Variants in ADGRD1 observed in about 807,000 individuals in gnomAD.
ADGRD1 encodes G-protein coupled receptor 133.
A neutral mutation model predicts 113.4 loss-of-function variants in ADGRD1; 77 were observed. That is an observed-to-expected ratio of 0.68 (90% CI 0.57 to 0.82). The LOEUF is 0.82. ADGRD1 is among the 40% of genes least tolerant of loss of function. The probability of loss-of-function intolerance (pLI) is 0.00; values close to 1 mark genes in which losing one functional copy is unlikely to be tolerated. For synonymous variants in ADGRD1, 474 were observed against 475.0 expected, an observed-to-expected ratio of 1.00 and a Z score of 0.03; for missense variants, 1,036 against 1,139.1, an observed-to-expected ratio of 0.91 and a Z score of 1.30.
intron 13 of ADGRD1, chr12:131,070,711 C>G: frequency 2.2e-6 from 1 of 454,662 alleles, no homozygotes; most frequent in Non-Finnish European, 4.5e-6. Flanking sequence ...GTGTCCATCA[C>G]TGCAAGGCTC....
At chr12:131,108,676 G>A (rs1367772097) in intron 17 of ADGRD1, 48 bp from the exon 18 acceptor site, 2 of 1,613,368 alleles carry the variant, frequency 1.2e-6, no homozygotes, top group African/African-American at 1.3e-5. Context: ...GCCACGCCCA[G>A]GGCCCACCCC....
chr12:131,084,750 T>C lies in ADGRD1; in HGVS notation c.1671+87T>C, dbSNP rs1886335010. The C allele has an allele frequency of 9.8e-6, 14 of 1,421,448 alleles. No individual in the cohort carries two copies. The highest frequency in any genetic ancestry group is 1.2e-5 in the South Asian group (1 of 83,626). The allele number at this position is 1,421,448 out of a possible 1,614,324, so 88.1% of individuals were successfully genotyped here. On this transcript the variant is annotated intron_variant, in intron 15 of 24. Coordinates refer to ENST00000261654, the MANE Select transcript of ADGRD1 (RefSeq NM_198827.5). The surrounding 1 kb of genome is among the most constrained non-coding windows in gnomAD (Gnocchi z 4.5). ...GGCGGGAGGATGCTTTGCCCGCCAG[T>C]GCCCACGGGCCCTGGGCACATTACT...
intron 12 of ADGRD1, among the ~76,000 whole-genome samples, chr12:131,007,082 T>C (rs1199577485): frequency 6.6e-6 from 1 of 152,228 alleles, no homozygotes; most frequent in South Asian, 2.1e-4. Context: ...CTGTGTCTTG[T>C]GCGGCCACAG....
chr12:130,962,887 T>C (rs1870524973), intron 2 of ADGRD1: 1 of 152,192 alleles, frequency 6.6e-6, no homozygotes, highest in African/African-American at 2.4e-5. Context: ...GTGTGGATGT[T>C]GGGCGCCCTG....
At position 131,123,061 on chromosome 12, in the gene ADGRD1, T is replaced by G. The variant is rs867202189; in HGVS notation, c.2175+2148T>G. On this transcript the variant is annotated intron_variant, in intron 20 of 24. Coordinates refer to ENST00000261654, the MANE Select transcript of ADGRD1 (RefSeq NM_198827.5). The stretch of plus-strand genomic sequence containing the variant: ...GGAGTTTTTTTTTTTTTTTTTTTTT[T>G]TTTTTTTTTTTTGCGACAGAGTCTT... 7.8e-3 allele frequency among the ~76,000 whole-genome samples: 1,055 copies of G among 134,704 alleles called. 13 individuals carry two copies. The highest frequency in any genetic ancestry group is 0.014 in the African/African-American group (505 of 35,752). The allele number at this position is 134,704 out of a possible 152,430, so 88.4% of individuals were successfully genotyped here. A position where few individuals can be genotyped will look rare whatever the true frequency, so the allele number is the denominator to read the frequency against.
At chr12:130,996,733 G>A (rs1372601418) in intron 8 of ADGRD1, among the ~76,000 whole-genome samples, 1 of 95,642 alleles carries the variant, frequency 1.0e-5, no homozygotes, top group African/African-American at 4.0e-5. Flanking sequence ...CCTCCCGGAC[G>A]GGGTGGCTGG....
At chr12:131,110,948 C>T (rs772129076) in intron 18 of ADGRD1, among the ~76,000 whole-genome samples, 1 of 152,148 alleles carries the variant, frequency 6.6e-6, no homozygotes, top group African/African-American at 2.4e-5. Flanking sequence ...CCTTCTGGCT[C>T]GATTGTTTCT....
At chr12:131,120,309 G>C (rs1006512974) in intron 19 of ADGRD1, among the ~76,000 whole-genome samples, 1 of 152,004 alleles carries the variant, frequency 6.6e-6, no homozygotes, top group Non-Finnish European at 1.5e-5. Flanking sequence ...TTTTTTGCCC[G>C]AGTTCTTGGG....
Position 131,003,223 on chromosome 12 carries a change from C to A in ADGRD1, c.1065C>A (p.Asp355Glu). ...TACTGAGTCTCATCGACACTATTGA[C>A]ACCGTCATGGGCCATGTATCCTCCA... ...AVVLSLIDTI[D>E]TVMGHVSSNL... Residue 355 changes from aspartate to glutamate, a missense_variant, in exon 10 of 25, where the codon GAC (aspartate) becomes GAA (glutamate). Asp to Glu is a conservative substitution (Grantham distance 45). Coordinates refer to ENST00000261654, the MANE Select transcript of ADGRD1 (RefSeq NM_198827.5). This position sits in a 1 kb window ranked among gnomAD's most constrained non-coding sequence, Gnocchi z 4.8. 1 of 1,614,112 alleles carries A rather than the reference C, an allele frequency of 6.2e-7. No homozygotes were observed. The highest frequency in any genetic ancestry group is 8.5e-7 in the Non-Finnish European group (1 of 1,180,004).
chr12:130,996,965 C>G (rs1344894737), intron 8 of ADGRD1, among the ~76,000 whole-genome samples: 1 of 132,578 alleles, frequency 7.5e-6, no homozygotes, highest in Non-Finnish European at 1.6e-5. Context: ...GGGGGGCTGA[C>G]CCCCCAACCT....
chr12:130,978,107 C>T (rs1027708123), intron 4 of ADGRD1: 5 of 152,242 alleles, frequency 3.3e-5, no homozygotes, highest in Non-Finnish European at 5.9e-5. Flanking sequence ...GAGGATTTAA[C>T]CTCAGCCCAT....
chr12:131,083,352 A>C (rs1394353589), intron 14 of ADGRD1, among the ~76,000 whole-genome samples: 1 of 152,042 alleles, frequency 6.6e-6, no homozygotes, highest in Non-Finnish European at 1.5e-5. Flanking sequence ...CTATAATCCT[A>C]GTACTTTGGG....
chr12:131,102,574 G>T (rs1327229954), intron 15 of ADGRD1, among the ~76,000 whole-genome samples: 1 of 152,198 alleles, frequency 6.6e-6, no homozygotes, highest in Non-Finnish European at 1.5e-5. Flanking sequence ...CAGCGATAGG[G>T]AGTGGGCTCT....
intron 13 of ADGRD1, among the ~76,000 whole-genome samples, chr12:131,045,967 G>C (rs974625095): frequency 1.3e-5 from 2 of 151,470 alleles, no homozygotes; most frequent in African/African-American, 4.9e-5. Flanking sequence ...CCTGGTCAGT[G>C]TCCTCCCTGG....
intron 19 of ADGRD1, among the ~76,000 whole-genome samples, chr12:131,120,427 A>AG (rs1334807347): frequency 6.6e-6 from 1 of 152,074 alleles, no homozygotes; most frequent in Non-Finnish European, 1.5e-5. Flanking sequence ...GCACGGAGAG[A>AG]GGGGAACTGA....
chr12:131,023,238 T>G (rs993995802), intron 13 of ADGRD1: 1 of 152,298 alleles, frequency 6.6e-6, no homozygotes, highest in Non-Finnish European at 1.5e-5. Context: ...TCTGCCTCCC[T>G]TCCTGTAGTG....
intron 12 of ADGRD1, among the ~76,000 whole-genome samples, chr12:131,010,516 G>A (rs1023258398): frequency 1.3e-5 from 2 of 152,186 alleles, no homozygotes; most frequent in African/African-American, 2.4e-5. Flanking sequence ...CCGGTCTTCT[G>A]CACAGGCTGG....
intron 12 of ADGRD1, among the ~76,000 whole-genome samples, chr12:131,008,060 CTG>C (rs1265239684): frequency 6.6e-6 from 1 of 152,236 alleles, no homozygotes; most frequent in Non-Finnish European, 1.5e-5. Flanking sequence ...GCCTGGAGGC[CTG>C]TGTTCTCCTC....
Position 131,074,907 on chromosome 12 carries a change from C to T in ADGRD1, c.1474-1894C>T, listed in dbSNP as rs1308525915. On this transcript the variant is annotated intron_variant, in intron 13 of 24. Transcript: ENST00000261654. ...TTGTTGCGGTGGTGGCTGTTTTCTACATTTCCTTTGAAGAGTGATTTAGAT... is the reference window on the plus strand; with the variant it reads ...TTGTTGCGGTGGTGGCTGTTTTCTATATTTCCTTTGAAGAGTGATTTAGAT... Among the ~76,000 whole-genome samples, 3 of 152,162 alleles carry T rather than the reference C, an allele frequency of 2.0e-5. No homozygotes were observed. In the East Asian group the frequency reaches 5.8e-4, roughly 29 times the overall value.
Sources: allele counts gnomAD v4.1 joint callset (sites outside exome capture counted in the v4.1 genomes callset), GRCh38; gene constraint gnomAD v4.1.1; non-coding constraint Gnocchi (gnomAD v3.1); transcripts MANE v1.5; gene names NCBI Gene and HGNC (gene_info 2026-07-23, HGNC 2026-07-21).